Variants in NCAPG2 observed in about 807,000 individuals in gnomAD.
NCAPG2 encodes the protein condensin-2 complex subunit G2.
NCAPG2 carries 53 observed loss-of-function variants against 141.1 expected under a neutral mutation model. That is an observed-to-expected ratio of 0.38 (90% CI 0.30 to 0.47). The LOEUF is 0.47. Ranked by LOEUF, NCAPG2 falls within the 20% of genes least tolerant of loss-of-function variation. The pLI, the probability that NCAPG2 is intolerant of heterozygous loss-of-function variation, is 0.99. For synonymous variants in NCAPG2, 499 were observed against 490.7 expected (o/e 1.02, Z -0.22); for missense variants, 1,087 against 1,389.0 (o/e 0.78, Z 3.46).
intron 9 of NCAPG2, among the ~76,000 whole-genome samples, chr7:158,681,600 G>T (rs1834458075): frequency 1.3e-5 from 2 of 152,292 alleles, no homozygotes; most frequent in South Asian, 4.1e-4. Context: ...GCAGTATGGG[G>T]ATTATTTTTT....
intron 17 of NCAPG2, 50 bp from the exon 18 acceptor site, chr7:158,656,755 C>T (rs749643487): frequency 1.2e-5 from 19 of 1,580,134 alleles, no homozygotes; most frequent in Admixed American, 1.8e-5. Context: ...CGGAGACTCC[C>T]CAACTTTGTC....
chr7:158,680,694 C>T (rs768863683), intron 10 of NCAPG2, 27 bp downstream of exon 10: 5 of 1,408,130 alleles, frequency 3.6e-6, no homozygotes, highest in Non-Finnish European at 4.8e-6. Context: ...ACATTCCAAA[C>T]ACGGATAAAC....
Position 158,654,712 on chromosome 7 carries a change from A to G in NCAPG2, c.2647-18T>C, listed in dbSNP as rs1831770575. The G allele has an allele frequency of 6.2e-7, 1 of 1,604,914 alleles. No homozygotes were observed. The stretch of plus-strand genomic sequence containing the variant: ...AGGTAGGTCTGTAAGAGACAGACAC[A>G]GCTTAGCAACAAAGGCCATTTTTAA... On this transcript the variant is annotated intron_variant, in intron 21 of 27. Transcript: ENST00000356309.
At chr7:158,702,530 T>C (rs1835877130) in intron 1 of NCAPG2, among the ~76,000 whole-genome samples, 1 of 152,228 alleles carries the variant, frequency 6.6e-6, no homozygotes, top group Admixed American at 6.5e-5. Flanking sequence ...CCCTCCATCC[T>C]GCCTGTGTTT....
At chr7:158,638,207 G>A (rs1830419394) in intron 27 of NCAPG2, among the ~76,000 whole-genome samples, 1 of 152,092 alleles carries the variant, frequency 6.6e-6, no homozygotes, top group Admixed American at 6.6e-5. Flanking sequence ...CGTGGTTTTG[G>A]TCTTCTCCTG....
intron 21 of NCAPG2, 138 bp downstream of exon 21, chr7:158,654,980 G>C: frequency 1.6e-6 from 2 of 1,237,630 alleles, no homozygotes; most frequent in East Asian, 2.4e-5. Flanking sequence ...AGATAAACTA[G>C]AAAGTTAGAT....
intron 4 of NCAPG2, 51 bp downstream of exon 4, chr7:158,692,791 G>C (rs749658725): frequency 9.6e-7 from 1 of 1,039,022 alleles, no homozygotes. Flanking sequence ...ACAAAAACAA[G>C]TATTTCAACA....
intron 27 of NCAPG2, chr7:158,639,863 A>G: frequency 1.0e-6 from 1 of 976,042 alleles, no homozygotes; most frequent in Non-Finnish European, 1.2e-6. Flanking sequence ...ATAAAATATT[A>G]GCAAACAGAA....
At chr7:158,663,122 A>G (rs1029217053) in intron 15 of NCAPG2, among the ~76,000 whole-genome samples, 1 of 152,176 alleles carries the variant, frequency 6.6e-6, no homozygotes, top group African/African-American at 2.4e-5. Context: ...GGACATGCCC[A>G]CTCACCAGCA....
chr7:158,703,759 G>A (rs1835956736), intron 1 of NCAPG2: 1 of 152,468 alleles, frequency 6.6e-6, no homozygotes, highest in Non-Finnish European at 1.5e-5. Flanking sequence ...CACCACCTGT[G>A]ACTTCCCACT....
intron 17 of NCAPG2, 21 bp from the exon 18 acceptor site, chr7:158,656,726 A>G (rs1563519769): frequency 8.1e-6 from 13 of 1,611,112 alleles, no homozygotes; most frequent in Middle Eastern, 1.7e-4. Context: ...CAGACGGAAA[A>G]TCGGACTGAG....
chr7:158,641,206 A>G (rs1376404555), intron 27 of NCAPG2: 5 of 306,336 alleles, frequency 1.6e-5, no homozygotes. Context: ...AAGACAGAAA[A>G]GGAGTGGAAG....
chr7:158,701,080 C>T (rs1835752138), intron 2 of NCAPG2, among the ~76,000 whole-genome samples: 2 of 152,172 alleles, frequency 1.3e-5, no homozygotes, highest in South Asian at 4.1e-4. Context: ...CCACATTCTC[C>T]CTTGAATCTG....
chr7:158,647,043 A>T (rs1181612116), intron 24 of NCAPG2, among the ~76,000 whole-genome samples: 1 of 152,186 alleles, frequency 6.6e-6, no homozygotes, highest in Non-Finnish European at 1.5e-5. Context: ...AAAAAAAAAA[A>T]AAAGATAAAC....
chr7:158,642,786 C>T (rs759700160), intron 27 of NCAPG2, among the ~76,000 whole-genome samples: 4 of 151,942 alleles, frequency 2.6e-5, no homozygotes, highest in Admixed American at 6.6e-5. Context: ...AATTAATATA[C>T]TTGAAAATAA....
chr7:158,690,855 T>C lies in NCAPG2; in HGVS notation c.383-133A>G, dbSNP rs1384112319. 6 of 763,562 alleles carry C rather than the reference T, an allele frequency of 7.9e-6. No individual in the cohort carries two copies. In the Admixed American group the frequency reaches 2.1e-4, roughly 27 times the overall value. 47.3% of individuals were successfully genotyped at this position (763,562 alleles called of 1,614,324 possible). A position where few individuals can be genotyped will look rare whatever the true frequency, so the allele number is the denominator to read the frequency against. On this transcript the variant is annotated intron_variant, in intron 4 of 27. Coordinates refer to ENST00000356309, the MANE Select transcript of NCAPG2 (RefSeq NM_017760.7). ...GCAAATAATATTAGTTATGTTTAAC[T>C]TGCCAAAGATTTATATACATTAGTT...
intron 27 of NCAPG2, chr7:158,640,052 CAAAAAAAA>C (rs58368997): frequency 4.3e-4 from 42 of 98,326 alleles, no homozygotes; most frequent in East Asian, 2.4e-3. Flanking sequence ...GAATAAATGC[CAAAAAAAA>C]AAAAAAAAAA....
At chr7:158,690,999 A>C (rs1745007490) in intron 4 of NCAPG2, among the ~76,000 whole-genome samples, 1 of 152,166 alleles carries the variant, frequency 6.6e-6, no homozygotes, top group Admixed American at 6.5e-5. Context: ...TCGTATCACC[A>C]ATTTTAGAAA....
In NCAPG2 at chr7:158,687,383, G is replaced by A. The variant is rs372309426; in HGVS notation, c.732C>T (p.His244=). 101 of 1,610,428 alleles carry A rather than the reference G, an allele frequency of 6.3e-5. No individual in the cohort carries two copies. The African/African-American group carries it at 7.3e-4, about 12-fold the overall frequency. ...NWNINFIKMI[H]GTIKNQLQGL... is the part of the protein sequence containing the mutation. ...CCTGTAACTGGTTTTTAATGGTCCC[G>A]TGGATCATTTTGATGAAGTTGATAT... The change falls in exon 7 of 28, where the codon CAC becomes CAT. Residue 244 remains histidine (H), a synonymous_variant. Coordinates refer to ENST00000356309, the MANE Select transcript of NCAPG2 (RefSeq NM_017760.7).
Sources: gnomAD v4.1 joint callset for allele counts (sites outside exome capture counted in the v4.1 genomes callset) on GRCh38, gnomAD v4.1.1 for gene constraint, MANE v1.5 for transcripts, NCBI Gene and HGNC (gene_info 2026-07-23, HGNC 2026-07-21) for gene names.